Variants in KTN1 observed in about 807,000 individuals in gnomAD.
KTN1 encodes the protein kinectin.
KTN1 carries 130 observed loss-of-function variants against 222.5 expected under a neutral mutation model. The observed-to-expected ratio is 0.58, with a 90% confidence interval of 0.51 to 0.68. The LOEUF is 0.68. KTN1 is among the 30% of genes least tolerant of loss of function. The pLI is 0.00. For missense variants in KTN1, 1,508 were observed against 1,500.4 expected, an observed-to-expected ratio of 1.01 and a Z score of -0.08; for synonymous variants, 512 against 496.3, an observed-to-expected ratio of 1.03 and a Z score of -0.42.
chr14:55,653,861 T>C (rs2043185702), intron 28 of KTN1, among the ~76,000 whole-genome samples: 1 of 152,222 alleles, frequency 6.6e-6, no homozygotes, highest in Admixed American at 6.5e-5. Context: ...AGGCTGGTTT[T>C]AAGTTATTTT....
At chr14:55,599,996 A>C (rs2035723923) in intron 1 of KTN1, among the ~76,000 whole-genome samples, 1 of 151,950 alleles carries the variant, frequency 6.6e-6, no homozygotes, top group African/African-American at 2.4e-5. Flanking sequence ...GTGTTCTTGG[A>C]CAAGAATTAA....
At chr14:55,652,560 G>A (rs1566803839) in intron 25 of KTN1, among the ~76,000 whole-genome samples, 2 of 152,016 alleles carry the variant, frequency 1.3e-5, no homozygotes, top group East Asian at 1.9e-4. Flanking sequence ...CACCACGCCC[G>A]GCTAATTTTT....
chr14:55,581,883 A>G (rs1158973107), intron 1 of KTN1, among the ~76,000 whole-genome samples: 3 of 151,826 alleles, frequency 2.0e-5, no homozygotes, highest in Non-Finnish European at 4.4e-5. Context: ...GCTGCCTGAT[A>G]AAAAAGGCTC....
At chr14:55,627,007 ACACATCTATGG>A (rs1289475408) in intron 5 of KTN1, among the ~76,000 whole-genome samples, 11 of 152,132 alleles carry the variant, frequency 7.2e-5, no homozygotes, top group Admixed American at 2.6e-4. Flanking sequence ...TCAGAGAACT[ACACATCTATGG>A]CACCTCTGTA....
chr14:55,682,868 T>A (rs12589864), intron 43 of KTN1: 34,041 of 152,046 alleles, frequency 0.22, 4,156 homozygotes, highest in East Asian at 0.32. Flanking sequence ...TTATTTTTTT[T>A]TGGCCAGCCT....
chr14:55,647,995 A>AATAC (rs777155450), intron 19 of KTN1, 30 bp from the exon 20 acceptor site: 9 of 858,940 alleles, frequency 1.0e-5, no homozygotes, highest in Non-Finnish European at 1.6e-5. Flanking sequence ...AAAAATAGTT[A>AATAC]ATACATGTGT....
chr14:55,642,574 T>C (rs1273870703), intron 18 of KTN1, among the ~76,000 whole-genome samples: 2 of 152,208 alleles, frequency 1.3e-5, no homozygotes, highest in Non-Finnish European at 2.9e-5. Context: ...GTTCCTAATA[T>C]TAAGTTTTTG....
intron 1 of KTN1, among the ~76,000 whole-genome samples, chr14:55,591,962 C>T (rs1005581528): frequency 1.3e-5 from 2 of 152,110 alleles, no homozygotes; most frequent in African/African-American, 2.4e-5. Flanking sequence ...GTTCATTTTT[C>T]TGTTGGGTTT....
At position 55,671,610 on chromosome 14, in the gene KTN1, G is replaced by A; in HGVS notation, c.3393G>A (p.Leu1131=). The change falls in exon 36 of 44, where the codon TTG becomes TTA. Residue 1131 remains leucine (L), a synonymous_variant. Transcript: ENST00000395314. ...KLKEADEMHT[L]LQLECEKYKS... ...AAGAAGCTGATGAAATGCACACATT[G>A]TTACAGCTAGAGTGTGAAAAATACA... 1 of 1,613,056 alleles carries A rather than the reference G, an allele frequency of 6.2e-7. No homozygotes were observed. Among genetic ancestry groups the A allele is most frequent in the Non-Finnish European group, 8.5e-7 (1 of 1,179,548 alleles).
Position 55,619,103 on chromosome 14 carries a change from T to C in KTN1, c.833-79T>C. The C allele has an allele frequency of 1.7e-6, 2 of 1,179,298 alleles. 1 individual carries two copies. Among genetic ancestry groups the C allele is most frequent in the African/African-American group, 3.1e-5 (2 of 65,336 alleles). 73.1% of individuals were successfully genotyped at this position (1,179,298 alleles called of 1,614,324 possible). ...ATTGACTTTCTGGGCCGTGAATTCTTCATGCTTACCTTTGCTGAAGTTATT... is the reference window on the plus strand; with the variant it reads ...ATTGACTTTCTGGGCCGTGAATTCTCCATGCTTACCTTTGCTGAAGTTATT... On this transcript the variant is annotated intron_variant, in intron 4 of 43. Transcript: ENST00000395314.
chr14:55,644,360 T>A (rs1424280054), intron 18 of KTN1: 6 of 701,818 alleles, frequency 8.5e-6, no homozygotes, highest in African/African-American at 1.7e-5. Context: ...GAGGAAAAGA[T>A]TGAGCGTATA....
chr14:55,667,166 A>G (rs867036404), intron 33 of KTN1, 75 bp from the exon 34 acceptor site: 5 of 908,750 alleles, frequency 5.5e-6, no homozygotes, highest in Middle Eastern at 2.2e-4. Context: ...ATAAAACACT[A>G]TAGTTTTTTT....
intron 33 of KTN1, among the ~76,000 whole-genome samples, chr14:55,665,051 T>A (rs2141257250): frequency 6.6e-6 from 1 of 152,158 alleles, no homozygotes; most frequent in Admixed American, 6.5e-5. Flanking sequence ...CTTAGTGGAT[T>A]TGTATTTAAC....
At chr14:55,672,315 G>A in intron 37 of KTN1, 1 of 245,622 alleles carries the variant, frequency 4.1e-6, no homozygotes, top group Non-Finnish European at 7.7e-6. Flanking sequence ...ATTTTTTGGG[G>A]CCAATGTGCA....
chr14:55,589,099 T>G (rs2033603773), intron 1 of KTN1, among the ~76,000 whole-genome samples: 1 of 152,206 alleles, frequency 6.6e-6, no homozygotes, highest in African/African-American at 2.4e-5. Flanking sequence ...TTACCTTGTC[T>G]GAGGTTTTGG....
At chr14:55,677,216 C>T (rs897725138) in intron 41 of KTN1, among the ~76,000 whole-genome samples, 1 of 152,136 alleles carries the variant, frequency 6.6e-6, no homozygotes. Context: ...TGGCTCACGC[C>T]TGTAATCCCA....
rs200757675 is a variant in KTN1, at chr14:55,667,307, A to G, written c.3244A>G (p.Lys1082Glu). Residue 1082 changes from lysine to glutamate, a missense_variant, in exon 34 of 44, where the codon AAG (lysine) becomes GAG (glutamate). By Grantham distance (56) the Lys-to-Glu change is moderately conservative (BLOSUM62 1). Transcript: ENST00000395314. ...AKEVLKKLFP[K>E]VSVPSNLSYG... is the part of the protein sequence containing the mutation. ...AGAAGTTCTCAAAAAATTATTTCCAAAGGTGTCTGTCCCTTCTAATTTGGT... is the reference window on the plus strand; with the variant it reads ...AGAAGTTCTCAAAAAATTATTTCCAGAGGTGTCTGTCCCTTCTAATTTGGT... The G allele has an allele frequency of 3.1e-5, 49 of 1,600,216 alleles. No homozygotes were observed. The highest frequency in any genetic ancestry group is 4.2e-5 in the Non-Finnish European group (49 of 1,170,902).
chr14:55,620,930 C>A (rs1356365057), intron 5 of KTN1, among the ~76,000 whole-genome samples: 1 of 152,206 alleles, frequency 6.6e-6, no homozygotes. Context: ...CATCATCAGG[C>A]TGCAAATTTT....
chr14:55,611,263 CT>C (rs897315974), intron 1 of KTN1, among the ~76,000 whole-genome samples: 2,390 of 116,022 alleles, frequency 0.021, 21 homozygotes, highest in African/African-American at 0.043. Context: ...ATTTTCTTGT[CT>C]TTTTTTTTTT....
Sources: allele counts gnomAD v4.1 joint callset (sites outside exome capture counted in the v4.1 genomes callset), GRCh38; gene constraint gnomAD v4.1.1; transcripts MANE v1.5; gene names NCBI Gene and HGNC (gene_info 2026-07-23, HGNC 2026-07-21).